Variants in SPACA7 observed in about 807,000 individuals in gnomAD.
SPACA7 encodes sperm acrosome-associated protein 7.
In SPACA7, 19 loss-of-function variants were observed where a neutral mutation model predicts 26.3. The ratio of observed to expected loss-of-function variants is 0.72; its 90% confidence interval spans 0.50 to 1.06. The LOEUF (loss-of-function observed/expected upper bound fraction) is 1.06, where lower values mean the gene tolerates loss of function less well. Among genes scored for constraint, SPACA7 ranks in the 50% least tolerant of loss-of-function variants. SPACA7 has a pLI of 0.00. For synonymous variants in SPACA7, 84 were observed against 84.5 expected (o/e 0.99, Z 0.04); for missense variants, 211 against 229.9 (o/e 0.92, Z 0.53).
rs529288065 is a variant in SPACA7, at chr13:112,414,619, C to G, written c.445+13455C>G. 2.0e-5 allele frequency among the ~76,000 whole-genome samples: 3 copies of G among 152,014 alleles called. No individual in the cohort carries two copies. In the South Asian group the frequency reaches 6.2e-4, roughly 32 times the overall value. On this transcript the variant is annotated intron_variant, in intron 5 of 6. Coordinates refer to ENST00000283550, the MANE Select transcript of SPACA7 (RefSeq NM_145248.5). ...GGAAATGGGGTTTCACCATGTTGGC[C>G]AGGCTGGTCTCGAACTCCTGACGTC... is the stretch of plus-strand genomic sequence containing the variant.
At chr13:112,416,804 TTGTGTGTG>T (rs148795567) in intron 5 of SPACA7, among the ~76,000 whole-genome samples, 48 of 148,040 alleles carry the variant, frequency 3.2e-4, no homozygotes, top group Admixed American at 2.7e-3. Flanking sequence ...TGATTATGAG[TTGTGTGTG>T]TGTGTGTGTG....
chr13:112,431,874 C>A (rs1248690976), intron 5 of SPACA7, among the ~76,000 whole-genome samples: 1 of 152,226 alleles, frequency 6.6e-6, no homozygotes, highest in Non-Finnish European at 1.5e-5. Flanking sequence ...GCTGCAGAAG[C>A]TGGGGCCGGT....
intron 5 of SPACA7, among the ~76,000 whole-genome samples, chr13:112,415,520 T>C (rs968334060): frequency 3.3e-5 from 5 of 152,110 alleles, no homozygotes; most frequent in African/African-American, 1.2e-4. Flanking sequence ...CTTCCCAGTG[T>C]GGTTTTGCTG....
intron 1 of SPACA7, among the ~76,000 whole-genome samples, chr13:112,388,670 G>A (rs2138895493): frequency 6.6e-6 from 1 of 152,360 alleles, no homozygotes; most frequent in Admixed American, 6.5e-5. Flanking sequence ...TGCCTAGGCA[G>A]AGCCAATTCG....
chr13:112,433,689 C>A (rs1252269038), intron 6 of SPACA7, among the ~76,000 whole-genome samples: 2 of 151,542 alleles, frequency 1.3e-5, no homozygotes, highest in Non-Finnish European at 2.9e-5. Flanking sequence ...TGAAGTGGGG[C>A]CCCCAGCCCC....
intron 6 of SPACA7, among the ~76,000 whole-genome samples, chr13:112,433,414 T>A (rs1250030078): frequency 6.7e-6 from 1 of 149,174 alleles, no homozygotes; most frequent in Admixed American, 6.7e-5. Flanking sequence ...CTGGGGTTTC[T>A]ACATAAAACA....
At chr13:112,423,623 GA>G (rs1223634522) in intron 5 of SPACA7, among the ~76,000 whole-genome samples, 1 of 152,226 alleles carries the variant, frequency 6.6e-6, no homozygotes, top group South Asian at 2.1e-4. Flanking sequence ...AGGGAATGGA[GA>G]GTGAGCAAGG....
rs146100862 is a variant in SPACA7 at position 112,412,343 on chromosome 13, G to C, written c.445+11179G>C. On this transcript the variant is annotated intron_variant, in intron 5 of 6. Transcript: ENST00000283550. ...GTTGTTTGAGTTCCTTATATATTCT[G>C]ATATTCTGGTAATTGATTTCTTGTC... Among the ~76,000 whole-genome samples, 3 of 151,720 alleles carry C rather than the reference G, an allele frequency of 2.0e-5. No homozygotes were observed. The East Asian group carries it at 5.8e-4, about 29-fold the overall frequency.
Position 112,401,164 on chromosome 13 carries a change from G to A in SPACA7, c.445G>A (p.Glu149Lys). The A allele has an allele frequency of 6.2e-7, 1 of 1,612,254 alleles. No homozygotes were observed. Among genetic ancestry groups the A allele is most frequent in the Non-Finnish European group, 8.5e-7 (1 of 1,178,348 alleles). The part of the protein sequence containing the change: ...PGSEKSVSSK[E>K]KNSKNTQYEN... ...CAGTGAGAAGAGTGTTTCCAGTAAA[G>A]GTAAATGTGCCCTGCCCACACTGAG... Residue 149 changes from glutamate to lysine, a missense_variant and splice_region_variant, in exon 5 of 7, where the codon GAA (glutamate) becomes AAA (lysine). By Grantham distance (56) the Glu-to-Lys change is moderately conservative (BLOSUM62 1). Coordinates refer to ENST00000283550, the MANE Select transcript of SPACA7 (RefSeq NM_145248.5).
At chr13:112,406,416 G>A (rs1181478172) in intron 5 of SPACA7, among the ~76,000 whole-genome samples, 2 of 152,176 alleles carry the variant, frequency 1.3e-5, no homozygotes, top group Non-Finnish European at 2.9e-5. Context: ...GTCTTAGCAT[G>A]TGTCAGAATT....
intron 5 of SPACA7, among the ~76,000 whole-genome samples, chr13:112,411,764 T>C (rs762886387): frequency 4.6e-5 from 7 of 152,144 alleles, no homozygotes; most frequent in Non-Finnish European, 8.8e-5. Context: ...ATTGACAGGA[T>C]TTTGGTTTTT....
intron 5 of SPACA7, among the ~76,000 whole-genome samples, chr13:112,431,401 C>T (rs771699175): frequency 2.0e-5 from 3 of 152,314 alleles, no homozygotes; most frequent in African/African-American, 4.8e-5. Context: ...TCCTGACATA[C>T]TGACTGTGCC....
chr13:112,421,225 C>CAAAAAAAA (rs59236283), intron 5 of SPACA7, among the ~76,000 whole-genome samples: 15 of 86,814 alleles, frequency 1.7e-4, no homozygotes, highest in East Asian at 1.1e-3. Flanking sequence ...AAGAAACATG[C>CAAAAAAAA]AAAAAAAAAA....
rs537270604 is a variant in SPACA7, at chr13:112,429,367, C to A, written c.446-3077C>A. On this transcript the variant is annotated intron_variant, in intron 5 of 6. Transcript: ENST00000283550. ...CTCCAGCCTGGGTAACAAAGTAAGA[C>A]CCCATCTCAAAAAAAAAAAAAAGAA... 4.0e-3 allele frequency among the ~76,000 whole-genome samples: 599 copies of A among 150,600 alleles called. 2 individuals carry two copies. Among genetic ancestry groups the A allele is most frequent in the African/African-American group, 0.014 (568 of 40,980 alleles).
intron 5 of SPACA7, among the ~76,000 whole-genome samples, chr13:112,403,454 A>T (rs928543274): frequency 6.6e-6 from 1 of 151,876 alleles, no homozygotes; most frequent in African/African-American, 2.4e-5. Context: ...GGTTTTTGGG[A>T]AACAGGTGGT....
intron 1 of SPACA7, among the ~76,000 whole-genome samples, chr13:112,389,544 G>C (rs1566458671): frequency 6.6e-6 from 1 of 152,162 alleles, no homozygotes; most frequent in Non-Finnish European, 1.5e-5. Flanking sequence ...CTGTTTCTGG[G>C]AGTCCTGGGA....
chr13:112,394,569 G>T (rs1486620322), intron 2 of SPACA7, among the ~76,000 whole-genome samples: 2 of 151,928 alleles, frequency 1.3e-5, no homozygotes, highest in Non-Finnish European at 2.9e-5. Context: ...TGTTTGATGG[G>T]TTAGGTGGAT....
chr13:112,401,261 G>T, intron 5 of SPACA7, 97 bp downstream of exon 5: 1 of 873,472 alleles, frequency 1.1e-6, no homozygotes. Flanking sequence ...AGTATGCCTT[G>T]TTATGCCATT....
At chr13:112,428,810 T>C (rs1465555744) in intron 5 of SPACA7, among the ~76,000 whole-genome samples, 1 of 152,204 alleles carries the variant, frequency 6.6e-6, no homozygotes, top group African/African-American at 2.4e-5. Flanking sequence ...GAAAAGTATG[T>C]GTATTATACT....
Sources: allele counts gnomAD v4.1 joint callset (sites outside exome capture counted in the v4.1 genomes callset), GRCh38; gene constraint gnomAD v4.1.1; transcripts MANE v1.5; gene names NCBI Gene and HGNC (gene_info 2026-07-23, HGNC 2026-07-21).